Variants in FANCC observed in about 807,000 individuals in gnomAD.
FANCC encodes the protein FA complementation group C, also known as Fanconi anemia group C protein.
FANCC carries 55 observed loss-of-function variants against 71.3 expected under a neutral mutation model. The observed-to-expected ratio is 0.77, with a 90% confidence interval of 0.62 to 0.97. The LOEUF is 0.97. Ranked by LOEUF, FANCC falls within the 50% of genes least tolerant of loss-of-function variation. The pLI, the probability that FANCC is intolerant of heterozygous loss-of-function variation, is 0.00. For missense variants in FANCC, 678 were observed against 670.9 expected, an observed-to-expected ratio of 1.01 and a Z score of -0.12; for synonymous variants, 275 against 244.9, an observed-to-expected ratio of 1.12 and a Z score of -1.15.
chr9:95,316,909 G>A (rs907437619), intron 1 of FANCC: 2 of 152,240 alleles, frequency 1.3e-5, no homozygotes, highest in Non-Finnish European at 2.9e-5. Context: ...TGGCCTCTGC[G>A]AACCCGCCTC....
intron 6 of FANCC, among the ~76,000 whole-genome samples, chr9:95,151,413 T>C (rs1231603648): frequency 6.6e-6 from 1 of 152,248 alleles, no homozygotes; most frequent in Non-Finnish European, 1.5e-5. Flanking sequence ...TTTAGTCTTG[T>C]GTTTTGTGAA....
At chr9:95,265,216 A>ATC (rs1832313357) in intron 1 of FANCC, among the ~76,000 whole-genome samples, 1 of 152,136 alleles carries the variant, frequency 6.6e-6, no homozygotes, top group African/African-American at 2.4e-5. Flanking sequence ...TTGTAAACAA[A>ATC]ATCTGGGCCT....
At chr9:95,169,235 TTC>T (rs776877462) in intron 6 of FANCC, among the ~76,000 whole-genome samples, 24 of 152,146 alleles carry the variant, frequency 1.6e-4, no homozygotes, top group East Asian at 5.8e-4. Context: ...GGAAAAAAAT[TTC>T]TGTTAGTTTT....
intron 1 of FANCC, among the ~76,000 whole-genome samples, chr9:95,301,677 G>C (rs2136364907): frequency 6.6e-6 from 1 of 152,174 alleles, no homozygotes; most frequent in South Asian, 2.1e-4. Flanking sequence ...AAAGTGCTGG[G>C]ATTACAGGCG....
chr9:95,106,699 C>T (rs540789210), intron 14 of FANCC, among the ~76,000 whole-genome samples: 12 of 152,142 alleles, frequency 7.9e-5, no homozygotes, highest in African/African-American at 2.9e-4. Context: ...GGTTGCTTTG[C>T]GAGCCCATTC....
rs539243165 is a variant in FANCC at position 95,206,801 on chromosome 9, T to C, written c.345+33848A>G. Among the ~76,000 whole-genome samples the C allele has an allele frequency of 1.9e-4, 29 of 152,302 alleles. 1 individual carries two copies. In the South Asian group the frequency reaches 6.0e-3, roughly 32 times the overall value. ...GCAGTTGTAAAAATCTGCAGGTCTG[T>C]TTACCCCTAAACTTTTTTTTGTAAC... On this transcript the variant is annotated intron_variant, in intron 4 of 14. Transcript: ENST00000289081.
intron 1 of FANCC, among the ~76,000 whole-genome samples, chr9:95,308,199 A>T (rs931191858): frequency 1.1e-4 from 16 of 152,092 alleles, no homozygotes; most frequent in African/African-American, 2.4e-4. Context: ...TCAAAAACAT[A>T]CTTTTTTAAA....
chr9:95,300,444 T>C (rs892926378), intron 1 of FANCC, among the ~76,000 whole-genome samples: 1 of 150,956 alleles, frequency 6.6e-6, no homozygotes, highest in Admixed American at 6.6e-5. Context: ...CTGTAGGAAA[T>C]AAATACAATT....
At chr9:95,149,653 A>C (rs143813072) in intron 7 of FANCC, among the ~76,000 whole-genome samples, 3 of 152,046 alleles carry the variant, frequency 2.0e-5, no homozygotes, top group African/African-American at 7.2e-5. Flanking sequence ...TAATTTTTGC[A>C]TTTTTAGTAG....
chr9:95,102,646 G>A (rs1329478618), intron 14 of FANCC, among the ~76,000 whole-genome samples: 1 of 152,210 alleles, frequency 6.6e-6, no homozygotes, highest in Non-Finnish European at 1.5e-5. Context: ...TGGAAGGGTT[G>A]GGCCGTTCTG....
intron 4 of FANCC, among the ~76,000 whole-genome samples, chr9:95,229,448 C>T (rs1829852396): frequency 6.6e-6 from 1 of 151,934 alleles, no homozygotes; most frequent in African/African-American, 2.4e-5. Flanking sequence ...GGACACGTGT[C>T]ACAGATAAAA....
intron 13 of FANCC, chr9:95,110,395 T>G (rs979637816): frequency 2.0e-6 from 2 of 1,024,148 alleles, no homozygotes; most frequent in African/African-American, 3.4e-5. Flanking sequence ...GTACATCTTA[T>G]TACTGTTAAA....
At chr9:95,205,361 A>C (rs1828058615) in intron 4 of FANCC, among the ~76,000 whole-genome samples, 1 of 152,170 alleles carries the variant, frequency 6.6e-6, no homozygotes, top group South Asian at 2.1e-4. Flanking sequence ...AATAGCAGCT[A>C]AGATGTCATA....
At chr9:95,166,776 T>C (rs766622871) in intron 6 of FANCC, among the ~76,000 whole-genome samples, 7 of 152,158 alleles carry the variant, frequency 4.6e-5, no homozygotes, top group Admixed American at 6.5e-5. Flanking sequence ...GGAGCATCTA[T>C]AGATTTTGGT....
intron 6 of FANCC, among the ~76,000 whole-genome samples, chr9:95,156,179 C>G (rs1008972706): frequency 7.2e-5 from 11 of 152,176 alleles, no homozygotes; most frequent in Admixed American, 6.5e-4. Flanking sequence ...TTCCCTGGCA[C>G]AGAGCGAAGT....
chr9:95,215,532 T>TCC (rs1798129092), intron 4 of FANCC, among the ~76,000 whole-genome samples: 1 of 152,142 alleles, frequency 6.6e-6, no homozygotes, highest in Non-Finnish European at 1.5e-5. Flanking sequence ...CCCCGAAAGG[T>TCC]GGGGTTTCAG....
At chr9:95,225,416 C>G (rs945732704) in intron 4 of FANCC, among the ~76,000 whole-genome samples, 1 of 152,164 alleles carries the variant, frequency 6.6e-6, no homozygotes, top group Non-Finnish European at 1.5e-5. Context: ...CCTAAAAATT[C>G]GCTTCCCTTC....
chr9:95,187,309 G>T (rs1588247042), intron 4 of FANCC, among the ~76,000 whole-genome samples: 2 of 152,106 alleles, frequency 1.3e-5, no homozygotes, highest in African/African-American at 4.8e-5. Flanking sequence ...CTGGGTTCTG[G>T]ATACCTCTAA....
intron 6 of FANCC, among the ~76,000 whole-genome samples, chr9:95,162,582 A>G (rs753060972): frequency 6.6e-6 from 1 of 152,200 alleles, no homozygotes; most frequent in Non-Finnish European, 1.5e-5. Flanking sequence ...AACAGTGTAC[A>G]AGGGTTCCAA....
Sources: allele counts gnomAD v4.1 joint callset (sites outside exome capture counted in the v4.1 genomes callset), GRCh38; gene constraint gnomAD v4.1.1; transcripts MANE v1.5; gene names NCBI Gene and HGNC (gene_info 2026-07-23, HGNC 2026-07-21).